The following ARHGAP42 variants were observed in gnomAD, a reference collection of about 807,000 sequenced individuals.
The protein encoded by ARHGAP42 is Rho GTPase activating protein 42, also known as rho GTPase-activating protein 42.
A neutral mutation model predicts 125.0 loss-of-function variants in ARHGAP42; 63 were observed. That is an observed-to-expected ratio of 0.50 (90% CI 0.41 to 0.62). ARHGAP42 has a LOEUF of 0.62. Ranked by LOEUF, ARHGAP42 falls within the 20% of genes least tolerant of loss-of-function variation. The pLI is 0.00. For synonymous variants in ARHGAP42, 339 were observed against 351.0 expected, an observed-to-expected ratio of 0.97 and a Z score of 0.38; for missense variants, 766 against 1,024.2, an observed-to-expected ratio of 0.75 and a Z score of 3.44.
At position 100,795,112 on chromosome 11, in the gene ARHGAP42, A is replaced by G. The variant is rs753583006; in HGVS notation, c.258A>G (p.Ser86=). Residue 86 remains serine (S), a synonymous_variant, in exon 3 of 24, where the codon TCA becomes TCG. Transcript: ENST00000298815. ...TTTTATCTTTCCAAACAGCTCAGTC[A>G]CTAAAAGAATTTGCAAGACTACTCA... ...ETDDEISIAQ[S]LKEFARLLIA... The G allele has an allele frequency of 2.3e-5, 36 of 1,546,592 alleles. No individual in the cohort carries two copies. The East Asian group carries it at 8.1e-4, about 35-fold the overall frequency.
chr11:100,939,338 C>A (rs2135269248), intron 8 of ARHGAP42, among the ~76,000 whole-genome samples: 1 of 152,072 alleles, frequency 6.6e-6, no homozygotes, highest in Middle Eastern at 3.4e-3. Flanking sequence ...TGTCTCTATT[C>A]TCGGTAGTGT....
chr11:100,840,236 G>C (rs1216034008), intron 3 of ARHGAP42, among the ~76,000 whole-genome samples: 2 of 152,118 alleles, frequency 1.3e-5, no homozygotes, highest in African/African-American at 4.8e-5. Flanking sequence ...TCACAAAGCA[G>C]CTCTCCCTTA....
intron 2 of ARHGAP42, among the ~76,000 whole-genome samples, chr11:100,784,897 G>C (rs1222594070): frequency 1.3e-5 from 2 of 152,222 alleles, no homozygotes; most frequent in Non-Finnish European, 1.5e-5. Flanking sequence ...GAGAATGGCA[G>C]TAGATTTGAG....
chr11:100,872,028 C>T (rs1332387546), intron 4 of ARHGAP42, among the ~76,000 whole-genome samples: 3 of 152,202 alleles, frequency 2.0e-5, no homozygotes, highest in Admixed American at 6.5e-5. Context: ...CAGGCGTGAG[C>T]CACTGCACCC....
chr11:100,722,464 C>T (rs1247406452), intron 1 of ARHGAP42, among the ~76,000 whole-genome samples: 2 of 150,446 alleles, frequency 1.3e-5, no homozygotes, highest in African/African-American at 4.9e-5. Flanking sequence ...ACGATTGGCT[C>T]ACTACAACCT....
At chr11:100,773,946 C>G (rs1025790276) in intron 2 of ARHGAP42, among the ~76,000 whole-genome samples, 1 of 152,142 alleles carries the variant, frequency 6.6e-6, no homozygotes, top group Non-Finnish European at 1.5e-5. Flanking sequence ...TATTTAAACC[C>G]TTTGCACTCG....
In ARHGAP42 at chr11:100,965,538, G is replaced by A. The variant is rs1009248165; in HGVS notation, c.1445-133G>A. 4 of 757,132 alleles carry A rather than the reference G, an allele frequency of 5.3e-6. No individual in the cohort carries two copies. The Admixed American group carries it at 7.7e-5, about 15-fold the overall frequency. 46.9% of individuals were successfully genotyped at this position (757,132 alleles called of 1,614,324 possible). On this transcript the variant is annotated intron_variant, in intron 16 of 23. Coordinates refer to ENST00000298815, the MANE Select transcript of ARHGAP42 (RefSeq NM_152432.4). ...TCTGCAAGCCATAGGGAATGATAAT[G>A]ACAGTACTACATGAAGCAATGCCTA...
chr11:100,755,186 T>C (rs1003845537), intron 1 of ARHGAP42, among the ~76,000 whole-genome samples: 1 of 152,196 alleles, frequency 6.6e-6, no homozygotes, highest in Non-Finnish European at 1.5e-5. Context: ...TGCACACATG[T>C]GCATGCACGC....
intron 1 of ARHGAP42, among the ~76,000 whole-genome samples, chr11:100,692,519 C>G (rs1033149478): frequency 6.6e-6 from 1 of 152,150 alleles, no homozygotes; most frequent in Non-Finnish European, 1.5e-5. Context: ...CAGTTGCAAC[C>G]TGCAGTTCTT....
chr11:100,966,064 T>C (rs1858086361), intron 17 of ARHGAP42, among the ~76,000 whole-genome samples: 1 of 151,944 alleles, frequency 6.6e-6, no homozygotes, highest in Non-Finnish European at 1.5e-5. Context: ...GAGTATATAG[T>C]TTTTTTTCCT....
At chr11:100,917,713 A>G (rs1279013381) in intron 5 of ARHGAP42, among the ~76,000 whole-genome samples, 1 of 152,128 alleles carries the variant, frequency 6.6e-6, no homozygotes, top group Admixed American at 6.6e-5. Flanking sequence ...CTGGGACTAC[A>G]GGTGTGCATT....
chr11:100,753,403 G>A (rs1862504003), intron 1 of ARHGAP42, among the ~76,000 whole-genome samples: 1 of 152,180 alleles, frequency 6.6e-6, no homozygotes, highest in South Asian at 2.1e-4. Flanking sequence ...TTGGAGACAG[G>A]AACTGGCTTT....
At chr11:100,749,895 C>G (rs1341826589) in intron 1 of ARHGAP42, among the ~76,000 whole-genome samples, 9 of 152,144 alleles carry the variant, frequency 5.9e-5, no homozygotes, top group Non-Finnish European at 1.3e-4. Context: ...CTTATTTGGT[C>G]TGTGCACAGA....
At position 100,944,370 on chromosome 11, in the gene ARHGAP42, C is replaced by T. The variant is rs148827737; in HGVS notation, c.1043+502C>T. On this transcript the variant is annotated intron_variant, in intron 10 of 23. Coordinates refer to ENST00000298815, the MANE Select transcript of ARHGAP42 (RefSeq NM_152432.4). Reference sequence around the variant, plus strand: ...AAAGTATTGGAAGAGATATAAATGTCGTGAATCTAAGTGTATAATTTAAGT... The same window carrying T: ...AAAGTATTGGAAGAGATATAAATGTTGTGAATCTAAGTGTATAATTTAAGT... 2.4e-4 allele frequency among the ~76,000 whole-genome samples: 36 copies of T among 152,174 alleles called. No homozygotes were observed. In the South Asian group the frequency reaches 5.4e-3, roughly 23 times the overall value.
At chr11:100,820,785 T>C (rs949317659) in intron 3 of ARHGAP42, among the ~76,000 whole-genome samples, 1 of 152,184 alleles carries the variant, frequency 6.6e-6, no homozygotes, top group African/African-American at 2.4e-5. Context: ...TAATGTATTG[T>C]TAGTTACACT....
intron 3 of ARHGAP42, among the ~76,000 whole-genome samples, chr11:100,858,084 G>GC (rs1420421152): frequency 6.3e-5 from 4 of 63,946 alleles, no homozygotes; most frequent in African/African-American, 2.2e-4. Flanking sequence ...AATCTGGATA[G>GC]GGGTGTGTGT....
intron 2 of ARHGAP42, among the ~76,000 whole-genome samples, chr11:100,788,513 T>C (rs188932657): frequency 4.6e-5 from 7 of 152,350 alleles, no homozygotes; most frequent in Admixed American, 2.0e-4. Flanking sequence ...TGTTGATTTA[T>C]TTAATAGGAA....
At chr11:100,917,551 GTATTAT>G (rs1259528248) in intron 5 of ARHGAP42, among the ~76,000 whole-genome samples, 27 of 151,928 alleles carry the variant, frequency 1.8e-4, no homozygotes, top group African/African-American at 5.8e-4. Context: ...GTTAATGCTA[GTATTAT>G]GATTATGATT....
chr11:100,836,282 T>C (rs1021110984), intron 3 of ARHGAP42, among the ~76,000 whole-genome samples: 8 of 152,130 alleles, frequency 5.3e-5, no homozygotes, highest in African/African-American at 1.9e-4. Context: ...AATTTTCTGT[T>C]AACCAAGGTA....
Sources: allele counts gnomAD v4.1 joint callset (sites outside exome capture counted in the v4.1 genomes callset), GRCh38; gene constraint gnomAD v4.1.1; transcripts MANE v1.5; gene names NCBI Gene and HGNC (gene_info 2026-07-23, HGNC 2026-07-21).